Variants in CALN1 observed in about 807,000 individuals in gnomAD.
CALN1 encodes the protein calneuron 1, also known as calcium-binding protein 8.
Under a neutral mutation model 30.6 loss-of-function variants are expected in CALN1, and 17 were observed. The observed-to-expected ratio is 0.56, with a 90% CI of 0.38 to 0.83. CALN1 has a LOEUF of 0.83. Ranked by LOEUF, CALN1 falls within the 40% of genes least tolerant of loss-of-function variation. CALN1 has a pLI of 0.00. For synonymous variants in CALN1, 156 were observed against 131.4 expected, an observed-to-expected ratio of 1.19 and a Z score of -1.28; for missense variants, 291 against 354.9, an observed-to-expected ratio of 0.82 and a Z score of 1.45.
chr7:72,349,570 T>C (rs1000406809), intron 2 of CALN1, among the ~76,000 whole-genome samples: 34 of 152,160 alleles, frequency 2.2e-4, no homozygotes, highest in African/African-American at 8.0e-4. Context: ...ACTAACTTCT[T>C]TTAAGGAACA....
At chr7:71,945,988 G>A (rs1369080182) in intron 5 of CALN1, among the ~76,000 whole-genome samples, 1 of 152,176 alleles carries the variant, frequency 6.6e-6, no homozygotes, top group Non-Finnish European at 1.5e-5. Context: ...GCAGGCTTCT[G>A]AAGGACTTCC....
intron 3 of CALN1, among the ~76,000 whole-genome samples, chr7:72,119,355 T>C (rs992240840): frequency 2.0e-5 from 3 of 152,002 alleles, no homozygotes; most frequent in African/African-American, 7.2e-5. Flanking sequence ...TCAGATCTCA[T>C]GAGGCATATT....
chr7:72,256,016 C>A (rs1261102767), intron 3 of CALN1, among the ~76,000 whole-genome samples: 1 of 152,244 alleles, frequency 6.6e-6, no homozygotes, highest in Non-Finnish European at 1.5e-5. Flanking sequence ...GCGTGAGCCA[C>A]CGCGCCCTGC....
At chr7:72,459,325 G>A in the CALN1 span, among the ~76,000 whole-genome samples, 1 of 152,184 alleles carries the variant, frequency 6.6e-6, no homozygotes, top group Admixed American at 6.5e-5. Flanking sequence ...CTAATGGCCT[G>A]TAATCAAGGG....
At chr7:72,247,179 T>C (rs1795228503) in intron 3 of CALN1, among the ~76,000 whole-genome samples, 1 of 150,802 alleles carries the variant, frequency 6.6e-6, no homozygotes, top group Non-Finnish European at 1.5e-5. Flanking sequence ...TTTCATGAAC[T>C]TCGTGGGTCC....
At chr7:72,406,319 C>T (rs931692343) in intron 1 of CALN1, among the ~76,000 whole-genome samples, 1 of 152,182 alleles carries the variant, frequency 6.6e-6, no homozygotes. Context: ...CCCAATTTAA[C>T]TGGAAGCTTC....
intron 5 of CALN1, among the ~76,000 whole-genome samples, chr7:71,818,634 T>G (rs1056994056): frequency 4.6e-5 from 7 of 151,882 alleles, no homozygotes; most frequent in African/African-American, 1.7e-4. Flanking sequence ...CTTCCCAAAA[T>G]GCTGAGATTA....
intron 4 of CALN1, among the ~76,000 whole-genome samples, chr7:72,092,878 A>G (rs542598353): frequency 6.6e-6 from 1 of 152,278 alleles, no homozygotes; most frequent in South Asian, 2.1e-4. Flanking sequence ...ACATGGAAGG[A>G]GAGACGGGCT....
chr7:72,448,227 A>G (rs778690032), upstream of CALN1, among the ~76,000 whole-genome samples: 1 of 152,242 alleles, frequency 6.6e-6, no homozygotes, highest in Non-Finnish European at 1.5e-5. Flanking sequence ...CACTGCCTGC[A>G]TATTACAGGC....
chr7:72,335,029 A>G (rs183921416), intron 2 of CALN1, among the ~76,000 whole-genome samples: 4 of 152,318 alleles, frequency 2.6e-5, no homozygotes, highest in Admixed American at 2.6e-4. Context: ...CAGTTCCTGG[A>G]GCCCTGGAAT....
At chr7:72,084,307 T>C (rs780574058) in intron 4 of CALN1, among the ~76,000 whole-genome samples, 29 of 152,180 alleles carry the variant, frequency 1.9e-4, no homozygotes, top group East Asian at 3.9e-4. Flanking sequence ...ACTCCACATA[T>C]GAAAACTAAT....
At chr7:72,394,089 AT>A in intron 2 of CALN1, among the ~76,000 whole-genome samples, 1 of 152,324 alleles carries the variant, frequency 6.6e-6, no homozygotes, top group East Asian at 1.9e-4. Context: ...AGCTAAGATC[AT>A]TGGTAATATG....
At chr7:72,265,233 A>G (rs1213789640) in intron 3 of CALN1, among the ~76,000 whole-genome samples, 1 of 152,200 alleles carries the variant, frequency 6.6e-6, no homozygotes, top group Non-Finnish European at 1.5e-5. Flanking sequence ...CCATGTTGAT[A>G]GAGCAAATTT....
chr7:72,409,663 T>C (rs1251540148), intron 1 of CALN1, among the ~76,000 whole-genome samples: 9 of 151,942 alleles, frequency 5.9e-5, no homozygotes, highest in Non-Finnish European at 1.3e-4. Flanking sequence ...AAATCTAATG[T>C]TTGGGAATGG....
intron 6 of CALN1, among the ~76,000 whole-genome samples, chr7:71,800,396 C>T (rs1167698614): frequency 6.6e-6 from 1 of 152,072 alleles, no homozygotes; most frequent in African/African-American, 2.4e-5. Flanking sequence ...TTTCTTTTGT[C>T]CCTCATATGG....
intron 5 of CALN1, among the ~76,000 whole-genome samples, chr7:71,921,280 A>G (rs879770959): frequency 6.6e-6 from 1 of 152,228 alleles, no homozygotes. Flanking sequence ...TGATGGGTGC[A>G]GCAAACCACC....
At chr7:72,385,258 G>A (rs971920255) in intron 2 of CALN1, among the ~76,000 whole-genome samples, 1 of 152,146 alleles carries the variant, frequency 6.6e-6, no homozygotes, top group Non-Finnish European at 1.5e-5. Flanking sequence ...AAGGCTAAAC[G>A]TTAATCTTAT....
intron 4 of CALN1, among the ~76,000 whole-genome samples, chr7:72,080,031 G>C (rs192806965): frequency 6.6e-6 from 1 of 151,778 alleles, no homozygotes; most frequent in African/African-American, 2.4e-5. Context: ...TCGGCCTCCC[G>C]AAGTGCTGGG....
intron 5 of CALN1, among the ~76,000 whole-genome samples, chr7:71,951,750 C>A (rs953434650): frequency 6.6e-6 from 1 of 152,200 alleles, no homozygotes; most frequent in Non-Finnish European, 1.5e-5. Context: ...CCTACTAAGA[C>A]AAAACTGATC....
Sources: gnomAD v4.1 joint callset for allele counts (sites outside exome capture counted in the v4.1 genomes callset) on GRCh38, gnomAD v4.1.1 for gene constraint, MANE v1.5 for transcripts, NCBI Gene and HGNC (gene_info 2026-07-23, HGNC 2026-07-21) for gene names.